Variants in DSCAML1 observed in about 807,000 individuals in gnomAD.
The protein encoded by DSCAML1 is DS cell adhesion molecule like 1.
A neutral mutation model predicts 200.5 loss-of-function variants in DSCAML1; 38 were observed. The ratio of observed to expected loss-of-function variants is 0.19; its 90% confidence interval spans 0.15 to 0.25. DSCAML1 has a LOEUF of 0.25. Ranked by LOEUF, DSCAML1 falls within the 10% of genes least tolerant of loss-of-function variation. The probability of loss-of-function intolerance (pLI) is 1.00; values close to 1 mark genes in which losing one functional copy is unlikely to be tolerated. For missense variants in DSCAML1, 2,223 were observed against 2,858.8 expected (o/e 0.78, Z 5.07); for synonymous variants, 1,215 against 1,165.0 (o/e 1.04, Z -0.87).
At chr11:117,459,927 C>T (rs1170410614) in intron 18 of DSCAML1, among the ~76,000 whole-genome samples, 1 of 152,240 alleles carries the variant, frequency 6.6e-6, no homozygotes, top group Non-Finnish European at 1.5e-5. Context: ...CGTGAGAAGA[C>T]TCCAGGTCAG....
chr11:117,516,720 A>G lies in DSCAML1; in HGVS notation c.1530T>C (p.Ala510=), dbSNP rs146338639. Residue 510 remains alanine (A), a synonymous_variant, in exon 8 of 33, where the codon GCT becomes GCC. Transcript: ENST00000651296. The surrounding 1 kb of genome is among the most constrained non-coding windows in gnomAD (Gnocchi z 5.7). ...CGGCGACTGCTGTGATGTTCCGCATAGCCCGGATGCTGGGTGGGCCTGGGC... is the reference window on the plus strand; with the variant it reads ...CGGCGACTGCTGTGATGTTCCGCATGGCCCGGATGCTGGGTGGGCCTGGGC... ...INVRGPPSIR[A]MRNITAVAGR... The G allele has an allele frequency of 6.2e-7, 1 of 1,613,504 alleles. No homozygotes were observed. Among genetic ancestry groups the G allele is most frequent in the Non-Finnish European group, 8.5e-7 (1 of 1,179,672 alleles).
At chr11:117,656,329 C>T (rs982778698) in intron 3 of DSCAML1, among the ~76,000 whole-genome samples, 12 of 152,282 alleles carry the variant, frequency 7.9e-5, no homozygotes, top group Admixed American at 2.6e-4. Flanking sequence ...CCTGCTGTCA[C>T]GTTCGACTAG....
At chr11:117,531,593 G>T (rs2050077167) in intron 4 of DSCAML1, among the ~76,000 whole-genome samples, 1 of 152,108 alleles carries the variant, frequency 6.6e-6, no homozygotes, top group Non-Finnish European at 1.5e-5. Context: ...TGATCAGATA[G>T]AATCCTCAGG....
chr11:117,580,691 C>A (rs1253682052), intron 3 of DSCAML1, among the ~76,000 whole-genome samples: 1 of 152,148 alleles, frequency 6.6e-6, no homozygotes, highest in Non-Finnish European at 1.5e-5. Flanking sequence ...AAGCCATGGG[C>A]AAATCACCTG....
At chr11:117,678,005 C>T (rs139393171) in intron 3 of DSCAML1, among the ~76,000 whole-genome samples, 4 of 152,280 alleles carry the variant, frequency 2.6e-5, no homozygotes, top group East Asian at 3.9e-4. Context: ...AGGGGGACTC[C>T]GGAGACCAAC....
chr11:117,462,588 T>C (rs1262827347), intron 17 of DSCAML1, among the ~76,000 whole-genome samples: 1 of 152,262 alleles, frequency 6.6e-6, no homozygotes, highest in Non-Finnish European at 1.5e-5. Context: ...ATTTAAATGA[T>C]AATACATCAT....
Position 117,503,390 on chromosome 11 carries a change from A to G in DSCAML1, c.2359+455T>C, listed in dbSNP as rs2049434569. Among the ~76,000 whole-genome samples, 1 of 152,168 alleles carries G rather than the reference A, an allele frequency of 6.6e-6. No homozygotes were observed. The highest frequency in any genetic ancestry group is 1.5e-5 in the Non-Finnish European group (1 of 68,006). On this transcript the variant is annotated intron_variant, in intron 11 of 32. Coordinates refer to ENST00000651296, the MANE Select transcript of DSCAML1 (RefSeq NM_020693.4). The surrounding 1 kb of genome is among the most constrained non-coding windows in gnomAD (Gnocchi z 5.2). ...CAAGGTCACTCAGCTCATCAGGCTG[A>G]TCTGGAATTGGAACCCAGGTTTTCT... is the stretch of plus-strand genomic sequence containing the variant.
rs541347119 is a variant in DSCAML1 at position 117,577,793 on chromosome 11, C to T, written c.512-45271G>A. Among the ~76,000 whole-genome samples the T allele has an allele frequency of 5.9e-4, 89 of 149,982 alleles. 3 individuals carry two copies. The South Asian group carries it at 0.02, about 33-fold the overall frequency. ...TGTTGGTCAGGCTAGTGTTGAACTA[C>T]TGACCTCAAGTGATCCACCCGCCTC... On this transcript the variant is annotated intron_variant, in intron 3 of 32. Coordinates refer to ENST00000651296, the MANE Select transcript of DSCAML1 (RefSeq NM_020693.4).
rs376973358 is a variant in DSCAML1, at chr11:117,431,496, G to A, written c.5374+38C>T. 18 of 1,500,820 alleles carry A rather than the reference G, an allele frequency of 1.2e-5. No individual in the cohort carries two copies. The African/African-American group carries it at 1.9e-4, about 16-fold the overall frequency. 93.0% of individuals were successfully genotyped at this position (1,500,820 alleles called of 1,614,324 possible). A position where few individuals can be genotyped will look rare whatever the true frequency, so the allele number is the denominator to read the frequency against. On this transcript the variant is annotated intron_variant, in intron 31 of 32. Transcript: ENST00000651296. ...TGAAGGTGAATGATGGGGAACTGGGGGGAGGTGTTCAGGATGCCAGCAGGG... is the reference window on the plus strand; with the variant it reads ...TGAAGGTGAATGATGGGGAACTGGGAGGAGGTGTTCAGGATGCCAGCAGGG...
At chr11:117,629,291 A>C (rs1182176423) in intron 3 of DSCAML1, among the ~76,000 whole-genome samples, 1 of 152,098 alleles carries the variant, frequency 6.6e-6, no homozygotes, top group Non-Finnish European at 1.5e-5. Flanking sequence ...TGGCTTTGGC[A>C]AGGTGGCATC....
chr11:117,814,210 C>A (rs57030693), intron 1 of DSCAML1, among the ~76,000 whole-genome samples: 4,250 of 152,232 alleles, frequency 0.028, 175 homozygotes, highest in African/African-American at 0.089. Flanking sequence ...AACGGCCCCA[C>A]CCCTATCTCC....
At chr11:117,748,346 T>C (rs1240928332) in intron 3 of DSCAML1, among the ~76,000 whole-genome samples, 2 of 152,222 alleles carry the variant, frequency 1.3e-5, no homozygotes, top group African/African-American at 4.8e-5. Context: ...GTACTCCCCG[T>C]CATTTTTACC....
chr11:117,652,859 G>T (rs2052661974), intron 3 of DSCAML1, among the ~76,000 whole-genome samples: 2 of 152,168 alleles, frequency 1.3e-5, no homozygotes, highest in Admixed American at 6.5e-5. Flanking sequence ...AAAGCTTGGG[G>T]TCAGCTTCTC....
At chr11:117,536,425 C>G (rs1301311795) in intron 3 of DSCAML1, among the ~76,000 whole-genome samples, 1 of 152,214 alleles carries the variant, frequency 6.6e-6, no homozygotes, top group East Asian at 1.9e-4. Context: ...CCCACGTTCT[C>G]TGCTTTGAGG....
At position 117,812,793 on chromosome 11, in the gene DSCAML1, T is replaced by C. The variant is rs1298122742; in HGVS notation, c.-250+4597A>G. On this transcript the variant is annotated intron_variant, in intron 1 of 2. Coordinates refer to the DSCAML1 transcript ENST00000525836. ...ATCCTTTACAAAACAACAACTCCTT[T>C]CCTTCCTAGGCATGGTTAGTGCAGT... Among the ~76,000 whole-genome samples, 3 of 124,308 alleles carry C rather than the reference T, an allele frequency of 2.4e-5. 1 individual carries two copies. In the South Asian group the frequency reaches 6.8e-4, roughly 28 times the overall value. 81.6% of individuals were successfully genotyped at this position (124,308 alleles called of 152,430 possible). A position where few individuals can be genotyped will look rare whatever the true frequency, so the allele number is the denominator to read the frequency against.
At chr11:117,587,258 C>CCCG (rs200353768) in intron 3 of DSCAML1, among the ~76,000 whole-genome samples, 1 of 147,560 alleles carries the variant, frequency 6.8e-6, no homozygotes, top group Non-Finnish European at 1.5e-5. Flanking sequence ...TTCCAACCCC[C>CCCG]CCCCACGATT....
chr11:117,664,212 G>A (rs1382109096), intron 3 of DSCAML1, among the ~76,000 whole-genome samples: 2 of 152,276 alleles, frequency 1.3e-5, no homozygotes, highest in African/African-American at 2.4e-5. Flanking sequence ...CAGACTTGCA[G>A]AGAACCCGAG....
intron 19 of DSCAML1, among the ~76,000 whole-genome samples, chr11:117,452,160 A>C (rs2048296016): frequency 6.6e-6 from 1 of 152,204 alleles, no homozygotes; most frequent in Non-Finnish European, 1.5e-5. Flanking sequence ...GGAGTGTTCA[A>C]ATCTCTATCC....
At chr11:117,673,488 C>T (rs2053151700) in intron 3 of DSCAML1, among the ~76,000 whole-genome samples, 1 of 152,208 alleles carries the variant, frequency 6.6e-6, no homozygotes, top group Non-Finnish European at 1.5e-5. Flanking sequence ...GTCTGATGCT[C>T]TGCTTTCCTC....
Sources: allele counts gnomAD v4.1 joint callset (sites outside exome capture counted in the v4.1 genomes callset), GRCh38; gene constraint gnomAD v4.1.1; non-coding constraint Gnocchi (gnomAD v3.1); transcripts MANE v1.5; gene names NCBI Gene and HGNC (gene_info 2026-07-23, HGNC 2026-07-21).